The following SIGLEC6 variants were observed in gnomAD, a reference collection of about 807,000 sequenced individuals.
SIGLEC6 encodes sialic acid binding Ig like lectin 6.
SIGLEC6 carries 31 observed loss-of-function variants against 41.4 expected under a neutral mutation model. That is an observed-to-expected ratio of 0.75 (90% CI 0.56 to 1.01). SIGLEC6 has a LOEUF of 1.01. Ranked by LOEUF, SIGLEC6 falls within the 50% of genes least tolerant of loss-of-function variation. The probability of loss-of-function intolerance (pLI) is 0.00; values close to 1 mark genes in which losing one functional copy is unlikely to be tolerated. For missense variants in SIGLEC6, 555 were observed against 558.6 expected (o/e 0.99, Z 0.06); for synonymous variants, 217 against 231.0 (o/e 0.94, Z 0.55).
intron 7 of SIGLEC6, among the ~76,000 whole-genome samples, chr19:51,525,811 T>C (rs1402029019): frequency 2.0e-5 from 3 of 151,910 alleles, no homozygotes; most frequent in Non-Finnish European, 2.9e-5. Context: ...AACGTTCCCA[T>C]TGGCAGTGGC....
chr19:51,529,770 C>G lies in SIGLEC6; in HGVS notation c.966G>C (p.Gln322His). ...AGATTTGCAGGGAGCCCAGAGGATG[C>G]TGAGCACGGCAGGTGAAATCTCCTT... ...AEEGDFTCRAQHPLGSLQISL... is the reference protein window; with the variant it reads ...AEEGDFTCRAHHPLGSLQISL... Residue 322 changes from glutamine to histidine, a missense_variant, in exon 5 of 8, where the codon CAG becomes CAC. Physicochemically the swap from Gln to His is conservative, Grantham distance 24. Transcript: ENST00000425629. 6.2e-7 allele frequency: 1 copy of G among 1,614,196 alleles called. No individual in the cohort carries two copies. Among genetic ancestry groups the G allele is most frequent in the Non-Finnish European group, 8.5e-7 (1 of 1,180,042 alleles).
In SIGLEC6 at chr19:51,529,913, C is replaced by T; in HGVS notation, c.823G>A (p.Asp275Asn). 1 of 1,613,626 alleles carries T rather than the reference C, an allele frequency of 6.2e-7. No homozygotes were observed. The highest frequency in any genetic ancestry group is 2.2e-5 in the East Asian group (1 of 44,854). ...LEGQALRLLC[D>N]ADGNPPAHLS... ...TGTGCAGGGGGGTTGCCGTCAGCAT[C>T]ACAGAGCAGCCGCAGAGCCTGGCCC... Residue 275 changes from aspartate (D) to asparagine (N), a missense_variant, in exon 5 of 8, where the codon GAT becomes AAT. By Grantham distance (23) the Asp-to-Asn change is conservative. Coordinates refer to ENST00000425629, the MANE Select transcript of SIGLEC6 (RefSeq NM_001245.7).
intron 7 of SIGLEC6, among the ~76,000 whole-genome samples, chr19:51,520,458 C>T (rs529352079): frequency 1.6e-4 from 24 of 152,148 alleles, no homozygotes; most frequent in South Asian, 4.1e-4. Context: ...GGCATGATCA[C>T]GGCTCAGGCA....
At chr19:51,529,702 G>C (rs200338100) in intron 5 of SIGLEC6, 22 bp downstream of exon 5, 2 of 1,613,360 alleles carry the variant, frequency 1.2e-6, no homozygotes, top group Admixed American at 3.3e-5. Flanking sequence ...CCACACTCTC[G>C]CGCACCTCCC....
In SIGLEC6 at chr19:51,530,823, G is replaced by A. The variant is rs367754296; in HGVS notation, c.564C>T (p.Thr188=). ...PIFSWMSAAP[T]SLGPRTTQSS... is the part of the protein sequence containing the mutation. ...ACTGGGTGGTCCTGGGGCCCAGGGA[G>A]GTGGGGGCAGCTGACATCCAGGAGA... The change falls in exon 3 of 8, where the codon ACC becomes ACT. Residue 188 remains threonine (T), a synonymous_variant. Transcript: ENST00000425629. The A allele has an allele frequency of 1.9e-6, 3 of 1,613,982 alleles. No individual in the cohort carries two copies. Among genetic ancestry groups the A allele is most frequent in the African/African-American group, 1.3e-5 (1 of 74,910 alleles).
In SIGLEC6 at chr19:51,527,920, G is replaced by A. The variant is rs1979509111; in HGVS notation, c.1107-92C>T. 7 of 1,272,832 alleles carry A rather than the reference G, an allele frequency of 5.5e-6. No individual in the cohort carries two copies. In the East Asian group the frequency reaches 1.4e-4, roughly 25 times the overall value. 78.8% of individuals were successfully genotyped at this position (1,272,832 alleles called of 1,614,324 possible). A position where few individuals can be genotyped will look rare whatever the true frequency, so the allele number is the denominator to read the frequency against. On this transcript the variant is annotated intron_variant, in intron 6 of 7. Transcript: ENST00000425629. ...CTCCCCACTCCCTATGGAGAGTACAGAAGTAATTAAGAGGTCCAGGTGCTC... is the reference window on the plus strand; with the variant it reads ...CTCCCCACTCCCTATGGAGAGTACAAAAGTAATTAAGAGGTCCAGGTGCTC...
chr19:51,530,658 G>A lies in SIGLEC6; in HGVS notation c.706+23C>T, dbSNP rs751036190. ...TGTCCCCCCACACCCTCAGGGACCC[G>A]GGCGTCCTGGCCCAGCACTCACAGG... On this transcript the variant is annotated intron_variant, in intron 3 of 7. Transcript: ENST00000425629. The A allele has an allele frequency of 3.6e-5, 58 of 1,611,978 alleles. 1 individual carries two copies. The Middle Eastern group carries it at 5.0e-4, about 14-fold the overall frequency.
At chr19:51,528,287 A>G in intron 5 of SIGLEC6, 34 bp from the exon 6 acceptor site, 1 of 1,568,616 alleles carries the variant, frequency 6.4e-7, no homozygotes, top group Non-Finnish European at 8.8e-7. Context: ...CTCCAGTTCT[A>G]ATTCCAGGAC....
At chr19:51,522,081 T>C (rs976461800) in intron 7 of SIGLEC6, among the ~76,000 whole-genome samples, 3 of 152,248 alleles carry the variant, frequency 2.0e-5, no homozygotes, top group South Asian at 4.1e-4. Flanking sequence ...CCAAAAAATA[T>C]GCATAGAGGT....
intron 5 of SIGLEC6, 111 bp from the exon 6 acceptor site, chr19:51,528,364 C>T (rs1181547310): frequency 6.9e-6 from 6 of 870,302 alleles, no homozygotes; most frequent in South Asian, 3.0e-5. Context: ...GACTCAGTCA[C>T]TCACCATTTC....
chr19:51,531,308 G>T lies in SIGLEC6; in HGVS notation c.279C>A (p.Phe93Leu). The change falls in exon 2 of 8, where the codon TTC becomes TTA. Residue 93 changes from phenylalanine (F) to leucine (L), a missense_variant. Coordinates refer to ENST00000425629, the MANE Select transcript of SIGLEC6 (RefSeq NM_001245.7). ...EEVQEETRGR[F>L]HLLWDPRRKN... ...TCCTTCTGGGATCCCAGAGGAGGTGGAATCGGCCCCGGGTCTCCTCCTGCA... is the reference window on the plus strand; with the variant it reads ...TCCTTCTGGGATCCCAGAGGAGGTGTAATCGGCCCCGGGTCTCCTCCTGCA... The T allele has an allele frequency of 6.2e-7, 1 of 1,614,162 alleles. No individual in the cohort carries two copies. The highest frequency in any genetic ancestry group is 1.1e-5 in the South Asian group (1 of 91,084).
intron 2 of SIGLEC6, 56 bp from the exon 3 acceptor site, chr19:51,531,015 G>T (rs756434493): frequency 6.3e-7 from 1 of 1,587,654 alleles, no homozygotes; most frequent in South Asian, 1.1e-5. Flanking sequence ...TTCACCCAGG[G>T]GGAAGCCCAG....
chr19:51,525,315 G>A (rs1472127008), intron 7 of SIGLEC6, among the ~76,000 whole-genome samples: 1 of 152,108 alleles, frequency 6.6e-6, no homozygotes, highest in Non-Finnish European at 1.5e-5. Context: ...AGACAAGTCT[G>A]CCATTTTTTC....
chr19:51,525,182 T>C (rs1978994163), intron 7 of SIGLEC6, among the ~76,000 whole-genome samples: 1 of 152,156 alleles, frequency 6.6e-6, no homozygotes, highest in Non-Finnish European at 1.5e-5. Context: ...ACCTCACCTC[T>C]GCTACAGCTC....
At position 51,530,424 on chromosome 19, in the gene SIGLEC6, G is replaced by A; in HGVS notation, c.754+13C>T. The stretch of plus-strand genomic sequence containing the variant: ...ATCTGGCCCTGGAGAGAACAGGACT[G>A]GCTGGTTCCTACCTGCGCTGTTTCC... On this transcript the variant is annotated intron_variant, in intron 4 of 7. Coordinates refer to ENST00000425629, the MANE Select transcript of SIGLEC6 (RefSeq NM_001245.7). 2 of 1,613,008 alleles carry A rather than the reference G, an allele frequency of 1.2e-6. No individual in the cohort carries two copies. Among genetic ancestry groups the A allele is most frequent in the Non-Finnish European group, 1.7e-6 (2 of 1,179,032 alleles).
intron 5 of SIGLEC6, among the ~76,000 whole-genome samples, chr19:51,529,204 T>C (rs1979762775): frequency 6.6e-6 from 1 of 152,124 alleles, no homozygotes; most frequent in African/African-American, 2.4e-5. Context: ...TCTAACACCA[T>C]ACATGATCTT....
chr19:51,520,234 T>C lies in SIGLEC6; in HGVS notation c.1210A>G (p.Thr404Ala), dbSNP rs930097708. 6.3e-6 allele frequency: 10 copies of C among 1,593,664 alleles called. No homozygotes were observed. The highest frequency in any genetic ancestry group is 8.6e-6 in the Non-Finnish European group (10 of 1,164,974). ...GSRGHQHQFQ[T>A]GIVSDHPAEA... is the part of the protein sequence containing the mutation. ...GCAGGGTGGTCTGAAACTATGCCTG[T>C]CTGGAACTGGTGCTGATGACCCTTA... The change falls in exon 8 of 8, where the codon ACA becomes GCA. Residue 404 changes from threonine (T) to alanine (A), a missense_variant. Coordinates refer to ENST00000425629, the MANE Select transcript of SIGLEC6 (RefSeq NM_001245.7).
chr19:51,523,808 C>G (rs1978716645), intron 7 of SIGLEC6, among the ~76,000 whole-genome samples: 1 of 152,176 alleles, frequency 6.6e-6, no homozygotes, highest in African/African-American at 2.4e-5. Flanking sequence ...ATCACGAGGT[C>G]AGGAGATGGA....
chr19:51,520,507 G>A (rs541146955), intron 7 of SIGLEC6, among the ~76,000 whole-genome samples: 1 of 151,972 alleles, frequency 6.6e-6, no homozygotes, highest in African/African-American at 2.4e-5. Context: ...TTCTGCTTCA[G>A]CCTCCTGTGT....
Sources: gnomAD v4.1 joint callset for allele counts (sites outside exome capture counted in the v4.1 genomes callset) on GRCh38, gnomAD v4.1.1 for gene constraint, MANE v1.5 for transcripts, NCBI Gene and HGNC (gene_info 2026-07-23, HGNC 2026-07-21) for gene names.